MAGI1: variants seen among roughly 807,000 people sequenced by gnomAD.
MAGI1 encodes the protein membrane-associated guanylate kinase, WW and PDZ domain-containing protein 1.
Under a neutral mutation model 139.9 loss-of-function variants are expected in MAGI1, and 58 were observed. That is an observed-to-expected ratio of 0.41 (90% CI 0.34 to 0.52). The LOEUF (loss-of-function observed/expected upper bound fraction) is 0.52, where lower values mean the gene tolerates loss of function less well. Ranked by LOEUF, MAGI1 falls within the 20% of genes least tolerant of loss-of-function variation. MAGI1 has a pLI of 0.12. For missense variants in MAGI1, 1,874 were observed against 1,901.6 expected (o/e 0.99, Z 0.27); for synonymous variants, 812 against 737.9 (o/e 1.10, Z -1.63).
intron 1 of MAGI1, among the ~76,000 whole-genome samples, chr3:65,878,240 G>A (rs2060192532): frequency 6.6e-6 from 1 of 152,112 alleles, no homozygotes. Context: ...GACTTGGCCG[G>A]GCACGGTGGC....
chr3:65,367,028 G>A (rs1395997448), intron 18 of MAGI1, among the ~76,000 whole-genome samples: 3 of 152,136 alleles, frequency 2.0e-5, no homozygotes, highest in South Asian at 2.1e-4. Flanking sequence ...ATAGCCCATC[G>A]CTGTGACTCT....
At chr3:65,845,399 T>C (rs1340343272) in intron 1 of MAGI1, among the ~76,000 whole-genome samples, 1 of 152,118 alleles carries the variant, frequency 6.6e-6, no homozygotes, top group South Asian at 2.1e-4. Context: ...TGTCAACTAA[T>C]CTCACTAAGT....
intron 1 of MAGI1, among the ~76,000 whole-genome samples, chr3:65,975,276 T>C (rs1239865797): frequency 6.6e-6 from 1 of 152,182 alleles, no homozygotes; most frequent in African/African-American, 2.4e-5. Context: ...TTTCCAAAAT[T>C]ATGTCTGTCT....
intron 1 of MAGI1, among the ~76,000 whole-genome samples, chr3:65,919,680 TCTC>T (rs2062079702): frequency 9.2e-5 from 1 of 10,862 alleles, no homozygotes; most frequent in African/African-American, 2.7e-3. Flanking sequence ...TCTCTCTCCT[TCTC>T]TCTCTCTCTC....
chr3:65,681,934 C>T (rs1030684662), intron 1 of MAGI1, among the ~76,000 whole-genome samples: 3 of 152,068 alleles, frequency 2.0e-5, no homozygotes, highest in Non-Finnish European at 2.9e-5. Context: ...CTTGTGACTT[C>T]AAGCTATCCT....
intron 1 of MAGI1, among the ~76,000 whole-genome samples, chr3:65,694,162 G>C (rs918219588): frequency 1.3e-5 from 2 of 152,162 alleles, no homozygotes; most frequent in Non-Finnish European, 2.9e-5. Context: ...CAGAAAACAA[G>C]AGGCATTGAG....
chr3:65,552,420 A>G (rs1389660598), intron 2 of MAGI1, among the ~76,000 whole-genome samples: 1 of 152,202 alleles, frequency 6.6e-6, no homozygotes, highest in African/African-American at 2.4e-5. Flanking sequence ...TTTCCAAAAG[A>G]AGCTTCCGTT....
intron 1 of MAGI1, among the ~76,000 whole-genome samples, chr3:65,890,906 G>C (rs185057186): frequency 3.3e-5 from 5 of 152,256 alleles, no homozygotes; most frequent in African/African-American, 9.6e-5. Context: ...CGCCTCGTTT[G>C]TTTAGACAAC....
At chr3:65,713,007 T>G (rs1371675000) in intron 1 of MAGI1, among the ~76,000 whole-genome samples, 2 of 152,170 alleles carry the variant, frequency 1.3e-5, no homozygotes. Flanking sequence ...AGCTCATAGC[T>G]AGGAAAGGAA....
chr3:65,695,594 T>C (rs934942803), intron 1 of MAGI1, among the ~76,000 whole-genome samples: 2 of 152,206 alleles, frequency 1.3e-5, no homozygotes, highest in Non-Finnish European at 2.9e-5. Flanking sequence ...GTTCATCCAT[T>C]TATAGACTTG....
intron 1 of MAGI1, among the ~76,000 whole-genome samples, chr3:65,759,065 C>CAAAAAAAAAAAAAAAAAAAA (rs200497203): frequency 2.7e-5 from 2 of 73,084 alleles, no homozygotes; most frequent in African/African-American, 1.1e-4. Flanking sequence ...AGGCCCAGTG[C>CAAAAAAAAAAAAAAAAAAAA]AAAAAAAAAA....
chr3:66,013,958 A>C (rs1240192851), intron 1 of MAGI1, among the ~76,000 whole-genome samples: 1 of 152,140 alleles, frequency 6.6e-6, no homozygotes, highest in Non-Finnish European at 1.5e-5. Flanking sequence ...CCTGATAAAG[A>C]CCATGCAATG....
chr3:65,509,282 G>T (rs1421809711), intron 2 of MAGI1, among the ~76,000 whole-genome samples: 1 of 152,178 alleles, frequency 6.6e-6, no homozygotes, highest in Non-Finnish European at 1.5e-5. Context: ...TTACATTTGG[G>T]TTTTGTTTTT....
chr3:65,376,171 C>T (rs1942503048), intron 17 of MAGI1, among the ~76,000 whole-genome samples: 1 of 152,180 alleles, frequency 6.6e-6, no homozygotes, highest in Non-Finnish European at 1.5e-5. Context: ...TGCTGCCATC[C>T]TTTCCAGATT....
At chr3:65,805,488 T>C (rs2040795571) in intron 1 of MAGI1, among the ~76,000 whole-genome samples, 1 of 152,206 alleles carries the variant, frequency 6.6e-6, no homozygotes. Context: ...ACAGTGTTGG[T>C]GGGAACACAA....
Position 66,034,048 on chromosome 3 carries a change from T to C in MAGI1, c.313+3948A>G, listed in dbSNP as rs77747691. ...ATGTCATCTTCTCAATTTTGGTCTA[T>C]ACCCTAGTACAGTAGTTCTTAAAAC... On this transcript the variant is annotated intron_variant, in intron 1 of 22. Transcript: ENST00000402939. Among the ~76,000 whole-genome samples, 911 of 152,302 alleles carry C rather than the reference T, an allele frequency of 6.0e-3. 10 individuals are homozygous for C. The highest frequency in any genetic ancestry group is 0.021 in the African/African-American group (861 of 41,560).
At chr3:65,800,855 T>C (rs1172099788) in intron 1 of MAGI1, among the ~76,000 whole-genome samples, 1 of 152,242 alleles carries the variant, frequency 6.6e-6, no homozygotes, top group Non-Finnish European at 1.5e-5. Flanking sequence ...ACACAGTTTA[T>C]TGTTCCTGTT....
intron 1 of MAGI1, among the ~76,000 whole-genome samples, chr3:65,785,993 G>C (rs1198466956): frequency 6.6e-6 from 1 of 150,862 alleles, no homozygotes; most frequent in Non-Finnish European, 1.5e-5. Flanking sequence ...CTGGAGTGCA[G>C]TGGTGCAATC....
intron 1 of MAGI1, among the ~76,000 whole-genome samples, chr3:65,942,130 CAGG>C (rs2063344300): frequency 6.6e-6 from 1 of 151,986 alleles, no homozygotes; most frequent in African/African-American, 2.4e-5. Context: ...GACCTGTGAC[CAGG>C]AGCTTTACCA....
Sources: gnomAD v4.1 joint callset for allele counts (sites outside exome capture counted in the v4.1 genomes callset) on GRCh38, gnomAD v4.1.1 for gene constraint, MANE v1.5 for transcripts, NCBI Gene and HGNC (gene_info 2026-07-23, HGNC 2026-07-21) for gene names.